The following SSH2 variants were observed in gnomAD, a reference collection of about 807,000 sequenced individuals.
The protein encoded by SSH2 is protein phosphatase Slingshot homolog 2.
In SSH2, 37 loss-of-function variants were observed where a neutral mutation model predicts 135.2. That is an observed-to-expected ratio of 0.27 (90% CI 0.21 to 0.36). The LOEUF is 0.36. Ranked by LOEUF, SSH2 falls within the 10% of genes least tolerant of loss-of-function variation. SSH2 has a pLI of 1.00. For synonymous variants in SSH2, 628 were observed against 646.2 expected (o/e 0.97, Z 0.43); for missense variants, 1,408 against 1,765.3 (o/e 0.80, Z 3.63).
At chr17:29,894,976 G>C (rs550498812) in intron 1 of SSH2, among the ~76,000 whole-genome samples, 1 of 146,932 alleles carries the variant, frequency 6.8e-6, no homozygotes, top group Non-Finnish European at 1.5e-5. Flanking sequence ...TATCACATAA[G>C]GCTCTTCATG....
chr17:29,844,594 A>C (rs1025212239), intron 2 of SSH2, among the ~76,000 whole-genome samples: 3 of 152,192 alleles, frequency 2.0e-5, no homozygotes, highest in African/African-American at 7.2e-5. Context: ...TCTGAAGCCA[A>C]GGTGAAACTC....
At chr17:29,703,152 T>A in intron 3 of SSH2, 90 bp from the exon 4 acceptor site, 4 of 879,522 alleles carry the variant, frequency 4.5e-6, no homozygotes, top group Non-Finnish European at 7.6e-6. Flanking sequence ...CTCTCTTCTC[T>A]ATTCCAAAGT....
chr17:29,752,153 C>A (rs2040965561), intron 3 of SSH2, among the ~76,000 whole-genome samples: 2 of 152,152 alleles, frequency 1.3e-5, no homozygotes, highest in South Asian at 4.1e-4. Context: ...AGTAAAATTT[C>A]AATCAAAATC....
chr17:29,715,868 A>G (rs1299809036), intron 3 of SSH2, among the ~76,000 whole-genome samples: 1 of 152,180 alleles, frequency 6.6e-6, no homozygotes, highest in Non-Finnish European at 1.5e-5. Context: ...GACTTGACTC[A>G]GCGGGGCACT....
At chr17:29,833,268 A>G (rs1182201381) in intron 2 of SSH2, among the ~76,000 whole-genome samples, 1 of 152,218 alleles carries the variant, frequency 6.6e-6, no homozygotes, top group East Asian at 1.9e-4. Flanking sequence ...TGAGTGCTCC[A>G]ATGTTGGGTG....
rs1175371440 is a variant in SSH2 at position 29,888,931 on chromosome 17, C to CAA, written c.64-40004_64-40003dup. 2.8e-3 allele frequency among the ~76,000 whole-genome samples: 118 copies of CAA among 42,074 alleles called. 7 individuals are homozygous for CAA. Among genetic ancestry groups the CAA allele is most frequent in the African/African-American group, 0.01 (84 of 8,190 alleles). The allele number at this position is 42,074 out of a possible 152,430, so 27.6% of individuals were successfully genotyped here. On this transcript the variant is annotated intron_variant, in intron 1 of 15. Transcript: ENST00000540801. ...TAGGTGAAAGAGTGAGACACTATCT[C>CAA]AAAAAAAAAAAAAAAAAAAAAAAAA...
rs111937965 is a variant in SSH2, at chr17:29,889,148, A to G, written c.64-40219T>C. ...AAGGCCTAAATGTAAGAGAAAAATC[A>G]TAAAACTGTCAGAAGAGTCTGGGCA... On this transcript the variant is annotated intron_variant, in intron 1 of 15. Transcript: ENST00000540801. Among the ~76,000 whole-genome samples the G allele has an allele frequency of 2.8e-3, 431 of 152,140 alleles. 2 individuals carry two copies. Among genetic ancestry groups the G allele is most frequent in the African/African-American group, 9.9e-3 (410 of 41,504 alleles).
intron 3 of SSH2, among the ~76,000 whole-genome samples, chr17:29,752,222 T>C (rs2040967524): frequency 6.6e-6 from 1 of 151,916 alleles, no homozygotes; most frequent in East Asian, 1.9e-4. Context: ...ATCTGGAAAA[T>C]AAAATAAAAA....
rs1406726966 is a variant in SSH2 at position 29,655,613 on chromosome 17, G to A, written c.1033-6C>T. ...GAGGCATTCCATTCTGAGCCCTATG[G>A]AGCCAAAAAGACAAGGTTAAGGAGT... On this transcript the variant is annotated splice_polypyrimidine_tract_variant and splice_region_variant and intron_variant, in intron 11 of 15. Transcript: ENST00000540801. The A allele has an allele frequency of 6.2e-7, 1 of 1,613,624 alleles. No individual in the cohort carries two copies. Among genetic ancestry groups the A allele is most frequent in the African/African-American group, 1.3e-5 (1 of 74,984 alleles).
chr17:29,636,748 G>A lies in SSH2; in HGVS notation c.1482C>T (p.Asp494=). 1 of 1,614,020 alleles carries A rather than the reference G, an allele frequency of 6.2e-7. No homozygotes were observed. Among genetic ancestry groups the A allele is most frequent in the South Asian group, 1.1e-5 (1 of 91,064 alleles). The stretch of plus-strand genomic sequence containing the variant: ...CAGGTTTGCAGATGGGTTCGTGGTG[G>A]TCTGAGAGGTCACTATCTGAATGAG... ...WRSHSDSDLS[D]HHEPICKPGL... Residue 494 remains aspartate (D), a synonymous_variant, in exon 15 of 16, where the codon GAC becomes GAT. Coordinates refer to ENST00000540801, the MANE Select transcript of SSH2 (RefSeq NM_001282129.2).
chr17:29,764,825 A>T (rs762140518), intron 3 of SSH2, among the ~76,000 whole-genome samples: 1 of 152,264 alleles, frequency 6.6e-6, no homozygotes, highest in Non-Finnish European at 1.5e-5. Flanking sequence ...GACTTCCATT[A>T]CTGTGTATCC....
At chr17:29,677,004 G>T in intron 7 of SSH2, 119 bp from the exon 8 acceptor site, 1 of 771,802 alleles carries the variant, frequency 1.3e-6, no homozygotes, top group Non-Finnish European at 2.2e-6. Context: ...GAATCATCAG[G>T]CATTTCACGT....
At chr17:29,718,655 C>T (rs2039708458) in intron 3 of SSH2, among the ~76,000 whole-genome samples, 1 of 150,044 alleles carries the variant, frequency 6.7e-6, no homozygotes, top group African/African-American at 2.5e-5. Flanking sequence ...ATGGCATGAA[C>T]CCGGGAGGCG....
At chr17:29,724,528 C>CA (rs1174810786) in intron 3 of SSH2, among the ~76,000 whole-genome samples, 9,746 of 60,360 alleles carry the variant, frequency 0.16, 967 homozygotes, top group African/African-American at 0.27. Flanking sequence ...AACTCTGTCT[C>CA]AAAAAAAAAA....
chr17:29,667,794 T>G lies in SSH2; in HGVS notation c.810-571A>C, dbSNP rs1429304364. Among the ~76,000 whole-genome samples the G allele has an allele frequency of 3.9e-5, 6 of 152,188 alleles. No homozygotes were observed. In the East Asian group the frequency reaches 9.6e-4, roughly 24 times the overall value. On this transcript the variant is annotated intron_variant, in intron 9 of 15. Transcript: ENST00000540801. ...GGAAACAAACAACTGAAAAGCTAAA[T>G]GACATGCTGATAACCATGCTGGGGC...
chr17:29,921,766 T>A (rs2066980372), intron 1 of SSH2, among the ~76,000 whole-genome samples: 1 of 152,016 alleles, frequency 6.6e-6, no homozygotes. Context: ...TAGGCTGGTC[T>A]CAAACTCCCG....
intron 2 of SSH2, among the ~76,000 whole-genome samples, chr17:29,809,098 A>T (rs534924414): frequency 6.6e-6 from 1 of 152,224 alleles, no homozygotes; most frequent in African/African-American, 2.4e-5. Context: ...TACTAAAAAT[A>T]AAAAAATTAG....
intron 3 of SSH2, among the ~76,000 whole-genome samples, chr17:29,712,378 G>A (rs1460909481): frequency 6.6e-6 from 1 of 152,126 alleles, no homozygotes; most frequent in African/African-American, 2.4e-5. Context: ...TTTCCCTTTG[G>A]CTTGGTGATG....
At chr17:29,918,426 C>T (rs1470870075) in intron 1 of SSH2, among the ~76,000 whole-genome samples, 2 of 152,052 alleles carry the variant, frequency 1.3e-5, no homozygotes, top group Admixed American at 1.3e-4. Context: ...AGTGCTGAAC[C>T]CAGTGTCTAC....
Sources: gnomAD v4.1 joint callset for allele counts (sites outside exome capture counted in the v4.1 genomes callset) on GRCh38, gnomAD v4.1.1 for gene constraint, MANE v1.5 for transcripts, NCBI Gene and HGNC (gene_info 2026-07-23, HGNC 2026-07-21) for gene names.